LAMA2: variants seen among roughly 807,000 people sequenced by gnomAD.
The protein encoded by LAMA2 is laminin subunit alpha-2.
LAMA2 carries 269 observed loss-of-function variants against 364.8 expected under a neutral mutation model. The observed-to-expected ratio is 0.74, with a 90% confidence interval of 0.67 to 0.82. LAMA2 has a LOEUF of 0.82. LAMA2 is among the 40% of genes least tolerant of loss of function. LAMA2 has a pLI of 0.00. For missense variants in LAMA2, 3,807 were observed against 3,873.2 expected (o/e 0.98, Z 0.45); for synonymous variants, 1,379 against 1,370.6 (o/e 1.01, Z -0.14).
At chr6:129,164,095 T>A (rs1204736246) in intron 8 of LAMA2, among the ~76,000 whole-genome samples, 1 of 152,202 alleles carries the variant, frequency 6.6e-6, no homozygotes, top group Non-Finnish European at 1.5e-5. Flanking sequence ...CCTCCTTTAT[T>A]CACAGAGGAT....
Position 128,957,684 on chromosome 6 carries a change from T to C in LAMA2, c.112+74327T>C, listed in dbSNP as rs1001152124. Among the ~76,000 whole-genome samples the C allele has an allele frequency of 6.4e-5, 3 of 47,118 alleles. No homozygotes were observed. The Admixed American group carries it at 7.6e-4, about 12-fold the overall frequency. The allele number at this position is 47,118 out of a possible 152,430, so 30.9% of individuals were successfully genotyped here. A position where few individuals can be genotyped will look rare whatever the true frequency, so the allele number is the denominator to read the frequency against. ...ACCCTTTTCTATGATGGCCAGTGTT[T>C]CACTGATGATCTTGTTGGCTGTCTC... On this transcript the variant is annotated intron_variant, in intron 1 of 64. Coordinates refer to ENST00000421865, the MANE Select transcript of LAMA2 (RefSeq NM_000426.4).
At chr6:129,035,771 G>T (rs1191203425) in intron 1 of LAMA2, among the ~76,000 whole-genome samples, 4 of 151,872 alleles carry the variant, frequency 2.6e-5, no homozygotes, top group Non-Finnish European at 5.9e-5. Flanking sequence ...TATTGACTTT[G>T]TCGAAGATTA....
At chr6:128,944,985 G>A (rs1482955050) in intron 1 of LAMA2, among the ~76,000 whole-genome samples, 3 of 152,066 alleles carry the variant, frequency 2.0e-5, no homozygotes, top group African/African-American at 4.8e-5. Context: ...ACGAGATTTG[G>A]GTAGGATCAC....
At chr6:129,124,880 C>T (rs1777024140) in intron 4 of LAMA2, among the ~76,000 whole-genome samples, 1 of 152,144 alleles carries the variant, frequency 6.6e-6, no homozygotes, top group African/African-American at 2.4e-5. Flanking sequence ...TGAAAATCTG[C>T]TTGCTCTAGC....
intron 1 of LAMA2, among the ~76,000 whole-genome samples, chr6:129,011,401 T>C (rs912679949): frequency 6.6e-6 from 1 of 152,200 alleles, no homozygotes; most frequent in African/African-American, 2.4e-5. Context: ...ACAAGCTCCT[T>C]ATGTGGAGAA....
intron 12 of LAMA2, among the ~76,000 whole-genome samples, chr6:129,246,321 AAT>A (rs1488455456): frequency 6.6e-6 from 1 of 152,202 alleles, no homozygotes; most frequent in Non-Finnish European, 1.5e-5. Flanking sequence ...CATGGCTCAA[AAT>A]GTTGAGAACA....
At chr6:129,302,915 T>C (rs972586272) in intron 22 of LAMA2, among the ~76,000 whole-genome samples, 3 of 152,146 alleles carry the variant, frequency 2.0e-5, no homozygotes, top group Non-Finnish European at 1.5e-5. Flanking sequence ...ATTCATCGTT[T>C]CCAATACCTT....
chr6:128,970,622 C>T (rs1562881868), intron 1 of LAMA2, among the ~76,000 whole-genome samples: 1 of 152,166 alleles, frequency 6.6e-6, no homozygotes. Context: ...GGAACATCAA[C>T]AAATAAATTT....
At chr6:129,246,405 C>T (rs977917691) in intron 12 of LAMA2, among the ~76,000 whole-genome samples, 8 of 152,142 alleles carry the variant, frequency 5.3e-5, no homozygotes, top group African/African-American at 1.4e-4. Context: ...TTGCAGTGCC[C>T]AACAGATATT....
At chr6:129,248,062 G>A (rs1209664796) in intron 12 of LAMA2, among the ~76,000 whole-genome samples, 2 of 152,172 alleles carry the variant, frequency 1.3e-5, no homozygotes, top group African/African-American at 4.8e-5. Flanking sequence ...AGGCAAGTGA[G>A]CATCACTGCC....
intron 29 of LAMA2, among the ~76,000 whole-genome samples, chr6:129,330,055 T>G (rs1019007922): frequency 6.6e-6 from 1 of 151,800 alleles, no homozygotes; most frequent in Non-Finnish European, 1.5e-5. Flanking sequence ...ATCAATGATC[T>G]GTCACTGTCT....
chr6:128,950,189 A>T (rs759568894), intron 1 of LAMA2, among the ~76,000 whole-genome samples: 2 of 152,184 alleles, frequency 1.3e-5, no homozygotes, highest in Non-Finnish European at 2.9e-5. Flanking sequence ...AATCTGAGAT[A>T]ACATGATGTG....
At position 129,505,296 on chromosome 6, in the gene LAMA2, G is replaced by A. The variant is rs138024644; in HGVS notation, c.8644G>A (p.Val2882Met). The A allele has an allele frequency of 4.5e-5, 73 of 1,613,742 alleles. No homozygotes were observed. Among genetic ancestry groups the A allele is most frequent in the African/African-American group, 4.1e-4 (31 of 74,912 alleles). Residue 2882 changes from valine (V) to methionine (M), a missense_variant, in exon 61 of 65, where the codon GTG (valine) becomes ATG (methionine). Val to Met is a conservative substitution (Grantham distance 21). Transcript: ENST00000421865. Reference protein sequence around the residue: ...SPKKADILDVVGMLYVGGLPI... With the variant: ...SPKKADILDVMGMLYVGGLPI... ...CAAAAAAGCCGACATCCTGGATGTCGTGGGAATGCTGTATGTTGGTGGGTT... is the reference window on the plus strand; with the variant it reads ...CAAAAAAGCCGACATCCTGGATGTCATGGGAATGCTGTATGTTGGTGGGTT...
At chr6:128,928,938 A>G (rs1562840573) in intron 1 of LAMA2, 3 of 839,026 alleles carry the variant, frequency 3.6e-6, no homozygotes, top group Non-Finnish European at 6.1e-6. Context: ...TACACAACAG[A>G]TAAGGGAGTA....
intron 1 of LAMA2, among the ~76,000 whole-genome samples, chr6:128,984,301 A>AC (rs1783078687): frequency 6.6e-6 from 1 of 152,056 alleles, no homozygotes; most frequent in Non-Finnish European, 1.5e-5. Flanking sequence ...CTTATAAACT[A>AC]CCCATATTCT....
chr6:129,330,591 GGTTTTTGTTTTT>G (rs1304460865), intron 29 of LAMA2, among the ~76,000 whole-genome samples: 1 of 83,790 alleles, frequency 1.2e-5, no homozygotes, highest in African/African-American at 4.5e-5. Context: ...GTTGTTGTTT[GGTTTTTGTTTTT>G]TTTTTTTTTT....
At chr6:129,228,893 C>T (rs181125435) in intron 12 of LAMA2, among the ~76,000 whole-genome samples, 46 of 152,292 alleles carry the variant, frequency 3.0e-4, no homozygotes, top group African/African-American at 1.0e-3. Flanking sequence ...AAAGGAATAA[C>T]TATTACAAAA....
In LAMA2 at chr6:129,007,634, C is replaced by T. The variant is rs929304712; in HGVS notation, c.113-42284C>T. 4.6e-5 allele frequency among the ~76,000 whole-genome samples: 7 copies of T among 152,148 alleles called. No homozygotes were observed. In the East Asian group the frequency reaches 1.3e-3, roughly 29 times the overall value. ...GTACATGTAAATATTGCATGAGTAA[C>T]TAGTCTTACATTTTCTTCACTAATG... On this transcript the variant is annotated intron_variant, in intron 1 of 64. Coordinates refer to ENST00000421865, the MANE Select transcript of LAMA2 (RefSeq NM_000426.4).
chr6:129,098,441 A>G (rs1391104392), intron 4 of LAMA2, 26 bp downstream of exon 4: 25 of 1,613,186 alleles, frequency 1.5e-5, no homozygotes, highest in Non-Finnish European at 2.1e-5. Flanking sequence ...TCACCATTTA[A>G]GCACATTTGA....
Sources: allele counts gnomAD v4.1 joint callset (sites outside exome capture counted in the v4.1 genomes callset), GRCh38; gene constraint gnomAD v4.1.1; transcripts MANE v1.5; gene names NCBI Gene and HGNC (gene_info 2026-07-23, HGNC 2026-07-21).